The following KLF8 variants were observed in gnomAD, a reference collection of about 807,000 sequenced individuals.
KLF8 encodes the protein KLF transcription factor 8, also known as Krueppel-like factor 8.
In KLF8, 10 loss-of-function variants were observed where a neutral mutation model predicts 18.2. The ratio of observed to expected loss-of-function variants is 0.55; its 90% CI spans 0.34 to 0.93. The LOEUF is 0.93. KLF8 is among the 40% of genes least tolerant of loss of function. The pLI, the probability that KLF8 is intolerant of heterozygous loss-of-function variation, is 0.02. For synonymous variants in KLF8, 109 were observed against 97.3 expected, an observed-to-expected ratio of 1.12 and a Z score of -0.71; for missense variants, 264 against 277.9, an observed-to-expected ratio of 0.95 and a Z score of 0.36.
the KLF8 span, among the ~76,000 whole-genome samples, chrX:56,221,976 G>A: frequency 9.0e-6 from 1 of 111,445 alleles, no homozygotes; most frequent in South Asian, 3.8e-4. Context: ...CGTTTTGACA[G>A]GGTGCTGATT....
In KLF8 at chrX:56,250,238, T is replaced by C. The variant is rs1239750156; in HGVS notation, c.15T>C (p.Asp5=). 1 of 1,201,587 alleles carries C rather than the reference T, an allele frequency of 8.3e-7. No individual in the cohort carries two copies. The highest frequency in any genetic ancestry group is 1.8e-5 in the South Asian group (1 of 56,334). The part of the protein sequence containing the change: MVDM[D]KLINNLEVQL... The stretch of plus-strand genomic sequence containing the variant: ...TCCTTTTCTCTTTTCCAGATATGGA[T>C]AAACTCATAAACAACTTGGAGGTCC... Residue 5 remains aspartate (D), a synonymous_variant, in exon 2 of 6, where the codon GAT becomes GAC. Coordinates refer to ENST00000468660, the MANE Select transcript of KLF8 (RefSeq NM_007250.5).
At chrX:56,066,326 A>G in the KLF8 span, among the ~76,000 whole-genome samples, 1 of 112,217 alleles carries the variant, frequency 8.9e-6, no homozygotes, top group Non-Finnish European at 1.9e-5. Flanking sequence ...TGTTGGCCTC[A>G]GGCTCTGCAG....
At chrX:56,084,324 G>A in the KLF8 span, among the ~76,000 whole-genome samples, 1 of 110,985 alleles carries the variant, frequency 9.0e-6, no homozygotes, top group East Asian at 2.8e-4. Flanking sequence ...TCAAGGCTGT[G>A]ATGAGCTGAA....
chrX:56,269,562 T>G (rs1021911604), intron 4 of KLF8, 73 bp downstream of exon 4: 117 of 1,072,572 alleles, frequency 1.1e-4, no homozygotes, highest in Non-Finnish European at 1.4e-4. Context: ...TTTGCACATA[T>G]GTATAGGTGG....
At chrX:56,023,699 T>C in the KLF8 span, among the ~76,000 whole-genome samples, 2 of 111,562 alleles carry the variant, frequency 1.8e-5, no homozygotes, top group Admixed American at 9.6e-5. Flanking sequence ...GTTTAATTTT[T>C]AGAGTTCTAA....
chrX:56,077,658 G>T, the KLF8 span, among the ~76,000 whole-genome samples: 1 of 111,810 alleles, frequency 8.9e-6, no homozygotes, highest in African/African-American at 3.3e-5. Context: ...CGTTAAAGTA[G>T]TTTTTTCCAA....
chrX:56,153,068 G>A, the KLF8 span, among the ~76,000 whole-genome samples: 2 of 111,521 alleles, frequency 1.8e-5, no homozygotes, highest in South Asian at 7.4e-4. Context: ...TACCATAGTG[G>A]AAATACCAAT....
the KLF8 span, among the ~76,000 whole-genome samples, chrX:56,197,045 A>G: frequency 8.9e-6 from 1 of 111,863 alleles, no homozygotes; most frequent in Non-Finnish European, 1.9e-5. Flanking sequence ...TTTGAAACCA[A>G]TGAGAACAAA....
At chrX:56,011,184 C>T in the KLF8 span, among the ~76,000 whole-genome samples, 4 of 112,328 alleles carry the variant, frequency 3.6e-5, no homozygotes, top group African/African-American at 1.3e-4. Context: ...TTTAGTGCCA[C>T]ATGGCACTGA....
chrX:55,970,795 T>C, the KLF8 span, among the ~76,000 whole-genome samples: 1 of 111,494 alleles, frequency 9.0e-6, no homozygotes, highest in Non-Finnish European at 1.9e-5. Flanking sequence ...AAATCAAGAA[T>C]GTAATCCCAT....
At chrX:55,941,358 C>G in the KLF8 span, among the ~76,000 whole-genome samples, 1 of 112,073 alleles carries the variant, frequency 8.9e-6, no homozygotes. Flanking sequence ...ACACCTTATA[C>G]AAAAATTAAT....
the KLF8 span, among the ~76,000 whole-genome samples, chrX:56,157,397 A>T: frequency 1.9e-4 from 21 of 109,602 alleles, no homozygotes; most frequent in African/African-American, 3.0e-4. Context: ...AAATAAAATT[A>T]AAAAAAAAGA....
the KLF8 span, among the ~76,000 whole-genome samples, chrX:55,941,970 G>T: frequency 1.8e-5 from 2 of 111,010 alleles, no homozygotes; most frequent in African/African-American, 6.6e-5. Context: ...GATTCTTCAG[G>T]GATCTAGAAC....
chrX:55,978,353 A>G, the KLF8 span, among the ~76,000 whole-genome samples: 1 of 112,014 alleles, frequency 8.9e-6, no homozygotes, highest in Non-Finnish European at 1.9e-5. Context: ...TCCGTCTTTT[A>G]ACAATTAGTG....
At chrX:56,153,197 G>C in the KLF8 span, among the ~76,000 whole-genome samples, 5 of 110,182 alleles carry the variant, frequency 4.5e-5, no homozygotes, top group Non-Finnish European at 9.5e-5. Flanking sequence ...AAAGAAATTA[G>C]GCTTAAGAGT....
the KLF8 span, among the ~76,000 whole-genome samples, chrX:55,936,442 A>G: frequency 8.9e-6 from 1 of 112,877 alleles, no homozygotes; most frequent in East Asian, 2.8e-4. Context: ...TACAGCTCCC[A>G]GTATGAGCGA....
the KLF8 span, among the ~76,000 whole-genome samples, chrX:55,916,609 A>T: frequency 9.0e-6 from 1 of 111,701 alleles, no homozygotes; most frequent in Non-Finnish European, 1.9e-5. Flanking sequence ...ATGGATGGAA[A>T]AGAGGGAAGT....
chrX:56,166,516 A>G, the KLF8 span, among the ~76,000 whole-genome samples: 1 of 112,116 alleles, frequency 8.9e-6, no homozygotes, highest in Non-Finnish European at 1.9e-5. Context: ...ATCCTGGGAT[A>G]TTTGTAGATA....
chrX:56,002,882 T>G, the KLF8 span, among the ~76,000 whole-genome samples: 7 of 112,183 alleles, frequency 6.2e-5, no homozygotes, highest in African/African-American at 9.7e-5. Context: ...TACAAAGTAC[T>G]TGATGTTTAA....
Sources: gnomAD v4.1 joint callset for allele counts (sites outside exome capture counted in the v4.1 genomes callset) on GRCh38, gnomAD v4.1.1 for gene constraint, MANE v1.5 for transcripts, NCBI Gene and HGNC (gene_info 2026-07-23, HGNC 2026-07-21) for gene names.